The following MYBPC1 variants were observed in gnomAD, a reference collection of about 807,000 sequenced individuals.
The protein encoded by MYBPC1 is myosin binding protein C1.
Under a neutral mutation model 147.1 loss-of-function variants are expected in MYBPC1, and 52 were observed. The ratio of observed to expected loss-of-function variants is 0.35; its 90% confidence interval spans 0.28 to 0.45. The LOEUF is 0.45. MYBPC1 is among the 20% of genes least tolerant of loss of function. The pLI is 1.00. For missense variants in MYBPC1, 1,228 were observed against 1,440.3 expected (o/e 0.85, Z 2.39); for synonymous variants, 477 against 475.9 (o/e 1.00, Z -0.03).
chr12:101,690,362 A>G (rs767991724), downstream of MYBPC1, among the ~76,000 whole-genome samples: 1 of 152,168 alleles, frequency 6.6e-6, no homozygotes, highest in Admixed American at 6.5e-5. Context: ...GTCCCAGAGG[A>G]AAAACATCCT....
chr12:101,637,867 A>G (rs1405896662), intron 10 of MYBPC1, among the ~76,000 whole-genome samples: 1 of 152,220 alleles, frequency 6.6e-6, no homozygotes, highest in Non-Finnish European at 1.5e-5. Context: ...CCTGAGGGCT[A>G]TTAGCCCATC....
chr12:101,678,260 T>C, intron 28 of MYBPC1, 22 bp downstream of exon 28: 1 of 1,612,744 alleles, frequency 6.2e-7, no homozygotes, highest in Non-Finnish European at 8.5e-7. Flanking sequence ...TTCTATCACA[T>C]CAGTTAAAGT....
intron 26 of MYBPC1, among the ~76,000 whole-genome samples, chr12:101,676,627 T>C (rs907715914): frequency 6.6e-6 from 1 of 152,062 alleles, no homozygotes; most frequent in Non-Finnish European, 1.5e-5. Flanking sequence ...AGCACGTGCC[T>C]GTAGTCCCAG....
rs1318570162 is a variant in MYBPC1 at position 101,653,178 on chromosome 12, A to G, written c.1697A>G (p.Asn566Ser). 1 of 1,614,158 alleles carries G rather than the reference A, an allele frequency of 6.2e-7. No homozygotes were observed. The highest frequency in any genetic ancestry group is 8.5e-7 in the Non-Finnish European group (1 of 1,180,008). The change falls in exon 18 of 32, where the codon AAC becomes AGC. Residue 566 changes from asparagine (N) to serine (S), a missense_variant. This residue lies in a region of MYBPC1 where 1,077 missense variants were observed against 1,314.2 expected (regional missense o/e 0.82). Coordinates refer to ENST00000361466, the MANE Select transcript of MYBPC1 (RefSeq NM_002465.4). ...AACACAGTGACAGTGATTGCAGGAAACAAGCTTCGTCTTGAGATCCCCATC... is the reference window on the plus strand; with the variant it reads ...AACACAGTGACAGTGATTGCAGGAAGCAAGCTTCGTCTTGAGATCCCCATC... ...ADNTVTVIAG[N>S]KLRLEIPISG...
chr12:101,627,616 A>G (rs1392348447), intron 4 of MYBPC1, among the ~76,000 whole-genome samples, 153 bp from the exon 5 acceptor site: 1 of 152,140 alleles, frequency 6.6e-6, no homozygotes, highest in East Asian at 1.9e-4. Flanking sequence ...TTGGAGCTCT[A>G]CTGATTTTCC....
At position 101,601,978 on chromosome 12, in the gene MYBPC1, C is replaced by T. The variant is rs540676283; in HGVS notation, c.25+6883C>T. ...GGGTTGTTATGCACACAGTATGTGT[C>T]TTGGCTTTTTCTTTATGCATCTTAA... On this transcript the variant is annotated intron_variant, in intron 1 of 31. Transcript: ENST00000361466. Among the ~76,000 whole-genome samples the T allele has an allele frequency of 2.8e-4, 42 of 152,250 alleles. 1 individual carries two copies. The South Asian group carries it at 8.7e-3, about 32-fold the overall frequency.
chr12:101,645,247 T>G (rs1053748859), intron 12 of MYBPC1, among the ~76,000 whole-genome samples: 4 of 152,250 alleles, frequency 2.6e-5, no homozygotes, highest in African/African-American at 7.2e-5. Flanking sequence ...GGTACTGTTT[T>G]GAGCACTTGC....
At chr12:101,694,339 G>A in the MYBPC1 span, among the ~76,000 whole-genome samples, 1 of 152,158 alleles carries the variant, frequency 6.6e-6, no homozygotes, top group Non-Finnish European at 1.5e-5. Flanking sequence ...GTTTATATAA[G>A]TAAAATAATA....
Position 101,663,595 on chromosome 12 carries a change from A to T in MYBPC1, c.2356+35A>T, listed in dbSNP as rs774298517. On this transcript the variant is annotated intron_variant, in intron 22 of 31. Coordinates refer to ENST00000361466, the MANE Select transcript of MYBPC1 (RefSeq NM_002465.4). ...ACCAGTAGATAAAATGAATACTGTCATCAATAGGTGAGATATGTCCCTCCC... is the reference window on the plus strand; with the variant it reads ...ACCAGTAGATAAAATGAATACTGTCTTCAATAGGTGAGATATGTCCCTCCC... The T allele has an allele frequency of 6.8e-6, 11 of 1,606,572 alleles. No individual in the cohort carries two copies. The Admixed American group carries it at 1.0e-4, about 15-fold the overall frequency.
rs894640056 is a variant in MYBPC1 at position 101,626,891 on chromosome 12, G to A, written c.123G>A (p.Pro41=). ...TPAKDEEEVS[P]PSALPPGLGS... ...TTTCAGATGAAGAGGAAGTCTCCCC[G>A]CCTAGCGCCTTGCCTCCAGGTTGGG... is the stretch of plus-strand genomic sequence containing the variant. The change falls in exon 4 of 32, where the codon CCG becomes CCA. Residue 41 remains proline (P), a synonymous_variant. Coordinates refer to ENST00000361466, the MANE Select transcript of MYBPC1 (RefSeq NM_002465.4). 21 of 1,612,496 alleles carry A rather than the reference G, an allele frequency of 1.3e-5. No homozygotes were observed. Among genetic ancestry groups the A allele is most frequent in the East Asian group, 1.1e-4 (5 of 44,880 alleles).
At chr12:101,663,293 C>T in intron 21 of MYBPC1, 133 bp from the exon 22 acceptor site, 1 of 829,108 alleles carries the variant, frequency 1.2e-6, no homozygotes, top group East Asian at 2.5e-5. Context: ...CTCAAGGTGT[C>T]TTAACTGAAT....
intron 1 of MYBPC1, among the ~76,000 whole-genome samples, chr12:101,606,452 T>C (rs1882210661): frequency 6.7e-6 from 1 of 149,540 alleles, no homozygotes; most frequent in African/African-American, 2.5e-5. Context: ...ACCACTAATA[T>C]AAATCAATTT....
In MYBPC1 at chr12:101,642,477, G is replaced by T; in HGVS notation, c.724G>T (p.Ala242Ser). The T allele has an allele frequency of 6.2e-7, 1 of 1,614,076 alleles. No homozygotes were observed. The highest frequency in any genetic ancestry group is 8.5e-7 in the Non-Finnish European group (1 of 1,180,028). The change falls in exon 11 of 32, where the codon GCG (alanine) becomes TCG (serine). Residue 242 changes from alanine (A) to serine (S), a missense_variant. Coordinates refer to ENST00000361466, the MANE Select transcript of MYBPC1 (RefSeq NM_002465.4). The part of the protein sequence containing the change: ...QVDVWELLKN[A>S]KPSEYEKIAF... Reference sequence around the variant, plus strand: ...GGACGTATGGGAGTTGCTGAAGAACGCGAAACCCAGTGAGTACGAGAAGAT... The same window carrying T: ...GGACGTATGGGAGTTGCTGAAGAACTCGAAACCCAGTGAGTACGAGAAGAT...
Position 101,617,190 on chromosome 12 carries a change from C to G in MYBPC1, c.62-12C>G. The G allele has an allele frequency of 6.2e-7, 1 of 1,613,628 alleles. No homozygotes were observed. Among genetic ancestry groups the G allele is most frequent in the Non-Finnish European group, 8.5e-7 (1 of 1,179,776 alleles). ...AGGCACTTTAAAAAATATGCTTGTA[C>G]TTTCTACACAGAACCAAGTAAAGAG... On this transcript the variant is annotated splice_polypyrimidine_tract_variant and intron_variant, in intron 2 of 31. Transcript: ENST00000361466.
intron 30 of MYBPC1, among the ~76,000 whole-genome samples, 157 bp downstream of exon 30, chr12:101,682,819 G>A (rs1951101596): frequency 6.6e-6 from 1 of 152,098 alleles, no homozygotes; most frequent in African/African-American, 2.4e-5. Flanking sequence ...GAACAAGGAA[G>A]GCCAAATTAT....
intron 30 of MYBPC1, among the ~76,000 whole-genome samples, chr12:101,683,168 G>A (rs1951127720): frequency 6.6e-6 from 1 of 152,020 alleles, no homozygotes; most frequent in Non-Finnish European, 1.5e-5. Context: ...GATGGTTCTC[G>A]CCTATAATCC....
At chr12:101,628,007 T>A in intron 5 of MYBPC1, 2 of 579,362 alleles carry the variant, frequency 3.5e-6, no homozygotes, top group South Asian at 4.0e-5. Context: ...CATTCAAGGA[T>A]CTAGCCAAAA....
rs1429146642 is a variant in MYBPC1, at chr12:101,648,073, G to A, written c.1119G>A (p.Leu373=). 1 of 1,612,752 alleles carries A rather than the reference G, an allele frequency of 6.2e-7. No homozygotes were observed. ...CTCCAATTATGGTGACCAAACAGCTGGAAGATACAACTGCTTATTGTGGGG... is the reference window on the plus strand; with the variant it reads ...CTCCAATTATGGTGACCAAACAGCTAGAAGATACAACTGCTTATTGTGGGG... ...REPPIMVTKQ[L]EDTTAYCGER... Residue 373 remains leucine (L), a synonymous_variant, in exon 14 of 32, where the codon CTG becomes CTA. Coordinates refer to ENST00000361466, the MANE Select transcript of MYBPC1 (RefSeq NM_002465.4).
intron 1 of MYBPC1, among the ~76,000 whole-genome samples, chr12:101,596,550 ATT>A (rs1877332797): frequency 6.6e-6 from 1 of 152,206 alleles, no homozygotes; most frequent in Non-Finnish European, 1.5e-5. Context: ...ATGATTTTGC[ATT>A]TGTTTTTTTA....
Sources: allele counts gnomAD v4.1 joint callset (sites outside exome capture counted in the v4.1 genomes callset), GRCh38; gene constraint gnomAD v4.1.1; regional missense constraint gnomAD v4.1.1; transcripts MANE v1.5; gene names NCBI Gene and HGNC (gene_info 2026-07-23, HGNC 2026-07-21).